SLC51B: variants seen among roughly 807,000 people sequenced by gnomAD.
The protein encoded by SLC51B is SLC51 subunit beta.
Under a neutral mutation model 8.0 loss-of-function variants are expected in SLC51B, and 6 were observed. The observed-to-expected ratio is 0.75, with a 90% CI of 0.41 to 1.48. SLC51B has a LOEUF of 1.48. Ranked by LOEUF, SLC51B falls within the 40% of genes most tolerant of loss-of-function variation. The pLI is 0.01. For missense variants in SLC51B, 150 were observed against 149.7 expected, an observed-to-expected ratio of 1.00 and a Z score of -0.01; for synonymous variants, 61 against 54.8, an observed-to-expected ratio of 1.11 and a Z score of -0.50.
chr15:65,051,421 T>C, intron 2 of SLC51B, 94 bp from the exon 3 acceptor site: 2 of 1,188,364 alleles, frequency 1.7e-6, no homozygotes, highest in Non-Finnish European at 2.5e-6. Flanking sequence ...CAGTTGATGC[T>C]GTAAGCTGGG....
intron 3 of SLC51B, among the ~76,000 whole-genome samples, chr15:65,052,019 C>T (rs1186962757): frequency 6.6e-6 from 1 of 152,150 alleles, no homozygotes; most frequent in Non-Finnish European, 1.5e-5. Flanking sequence ...CCGCTGGGTC[C>T]CTCCACTATG....
At chr15:65,047,349 AC>A (rs1287876219) in intron 1 of SLC51B, among the ~76,000 whole-genome samples, 13 of 152,228 alleles carry the variant, frequency 8.5e-5, no homozygotes, top group African/African-American at 3.1e-4. Context: ...AAAAAAAAAA[AC>A]ATACATACAA....
chr15:65,052,399 CTTTT>C lies in SLC51B; in HGVS notation c.189-547_189-544del, dbSNP rs34021026. Among the ~76,000 whole-genome samples, 382 of 76,366 alleles carry C rather than the reference CTTTT, an allele frequency of 5.0e-3. 1 individual carries two copies. The highest frequency in any genetic ancestry group is 0.018 in the African/African-American group (359 of 19,958). 50.1% of individuals were successfully genotyped at this position (76,366 alleles called of 152,430 possible). On this transcript the variant is annotated intron_variant, in intron 3 of 3. Coordinates refer to ENST00000334287, the MANE Select transcript of SLC51B (RefSeq NM_178859.4). The stretch of plus-strand genomic sequence containing the variant: ...ACACACTAGCTATGTGCATCCTTGG[CTTTT>C]TTTTTTTTTTTTTTTTTTTGAGACA...
rs1468473041 is a variant in SLC51B, at chr15:65,050,131, G to A, written c.97+30G>A. On this transcript the variant is annotated intron_variant, in intron 2 of 3. Coordinates refer to ENST00000334287, the MANE Select transcript of SLC51B (RefSeq NM_178859.4). ...GTGGTGAGAGATTGACGGCAGGGGT[G>A]GGGGTGTGCCCCTCAACACAGAGCA... is the stretch of plus-strand genomic sequence containing the variant. 9 of 1,528,294 alleles carry A rather than the reference G, an allele frequency of 5.9e-6. No individual in the cohort carries two copies. In the East Asian group the frequency reaches 1.7e-4, roughly 29 times the overall value. The allele number at this position is 1,528,294 out of a possible 1,614,324, so 94.7% of individuals were successfully genotyped here.
At chr15:65,050,833 C>CTTTTTTTTTTTTTTTTT (rs67418433) in intron 2 of SLC51B, among the ~76,000 whole-genome samples, 35 of 88,598 alleles carry the variant, frequency 4.0e-4, no homozygotes, top group Middle Eastern at 9.1e-3. Flanking sequence ...TCTTCTTCTT[C>CTTTTTTTTTTTTTTTTT]TTCTTTTTTT....
Position 65,052,962 on chromosome 15 carries a change from C to G in SLC51B, c.189-4C>G. ...CTCATTAACACTGTTCCCTGTCCCCCCAGAAAAGAAAAGATGCAGCCACCA... is the reference window on the plus strand; with the variant it reads ...CTCATTAACACTGTTCCCTGTCCCCGCAGAAAAGAAAAGATGCAGCCACCA... On this transcript the variant is annotated splice_polypyrimidine_tract_variant and splice_region_variant and intron_variant, in intron 3 of 3. Transcript: ENST00000334287. 1.9e-6 allele frequency: 3 copies of G among 1,584,476 alleles called. No individual in the cohort carries two copies. Among genetic ancestry groups the G allele is most frequent in the Non-Finnish European group, 2.6e-6 (3 of 1,162,612 alleles).
At chr15:65,046,889 G>T (rs2086583755) in intron 1 of SLC51B, among the ~76,000 whole-genome samples, 2 of 151,858 alleles carry the variant, frequency 1.3e-5, no homozygotes, top group Admixed American at 6.6e-5. Context: ...CTCCAGCCTG[G>T]GTGACAGAGC....
chr15:65,051,897 C>G (rs2086658347), intron 3 of SLC51B, among the ~76,000 whole-genome samples: 1 of 152,200 alleles, frequency 6.6e-6, no homozygotes, highest in Non-Finnish European at 1.5e-5. Flanking sequence ...CTCACCCTAT[C>G]AGCACACATG....
At chr15:65,052,911 A>T in intron 3 of SLC51B, 55 bp from the exon 4 acceptor site, 1 of 1,564,528 alleles carries the variant, frequency 6.4e-7, no homozygotes, top group East Asian at 2.2e-5. Flanking sequence ...TGGGCGACCC[A>T]GTCCTGCCCC....
intron 3 of SLC51B, 36 bp from the exon 4 acceptor site, chr15:65,052,930 A>G: frequency 5.1e-6 from 6 of 1,169,326 alleles, no homozygotes; most frequent in Non-Finnish European, 6.3e-6. Context: ...CCAACCACTC[A>G]GCCCCCCTCA....
intron 3 of SLC51B, 94 bp from the exon 4 acceptor site, chr15:65,052,867 TAGAGA>T: frequency 9.2e-7 from 1 of 1,082,698 alleles, no homozygotes; most frequent in Non-Finnish European, 1.4e-6. Context: ...CCAAACTGCA[TAGAGA>T]ATTTTCCCCT....
chr15:65,053,160 G>A lies in SLC51B; in HGVS notation c.383G>A (p.Ser128Asn). The A allele has an allele frequency of 1.2e-6, 2 of 1,613,828 alleles. No individual in the cohort carries two copies. Among genetic ancestry groups the A allele is most frequent in the Non-Finnish European group, 1.7e-6 (2 of 1,180,024 alleles). ...VFLPDVPETE[S>N] ...CTTCCGGATGTACCAGAAACTGAGA[G>A]CTAGTGAGGGTTCAGAGAAGCCCCA... Residue 128 changes from serine to asparagine, a missense_variant, in exon 4 of 4, where the codon AGC (serine) becomes AAC (asparagine). By Grantham distance (46) the Ser-to-Asn change is conservative (BLOSUM62 1). Transcript: ENST00000334287.
intron 1 of SLC51B, among the ~76,000 whole-genome samples, chr15:65,048,207 A>T (rs1039199462): frequency 6.8e-6 from 1 of 146,158 alleles, no homozygotes; most frequent in African/African-American, 2.5e-5. Context: ...AAAAAAAAAA[A>T]GTCTAAGAAA....
At position 65,046,099 on chromosome 15, in the gene SLC51B, G is replaced by A. The variant is rs576720320; in HGVS notation, c.-109+517G>A. On this transcript the variant is annotated intron_variant, in intron 1 of 3. Coordinates refer to ENST00000334287, the MANE Select transcript of SLC51B (RefSeq NM_178859.4). ...TGGATCACCTCAGGTCAGGAGTTCC[G>A]AGACCAGCCTGGCCAATGTGGTGAA... 4.6e-3 allele frequency among the ~76,000 whole-genome samples: 693 copies of A among 150,430 alleles called. 6 individuals are homozygous for A. Among genetic ancestry groups the A allele is most frequent in the African/African-American group, 0.016 (664 of 40,870 alleles).
Position 65,053,270 on chromosome 15 carries a change from T to C in SLC51B, c.*106T>C. On this transcript the variant is annotated 3_prime_UTR_variant, in exon 4 of 4. Coordinates refer to ENST00000334287, the MANE Select transcript of SLC51B (RefSeq NM_178859.4). ...GAGTCTCTCCCAAGAAGCCGCTTTT[T>C]TCTTTTTCTTTCTTTCTTTTTTTTT... 1 of 1,449,470 alleles carries C rather than the reference T, an allele frequency of 6.9e-7. No homozygotes were observed. Among genetic ancestry groups the C allele is most frequent in the Non-Finnish European group, 9.0e-7 (1 of 1,105,042 alleles). The allele number at this position is 1,449,470 out of a possible 1,614,324, so 89.8% of individuals were successfully genotyped here.
At chr15:65,051,630 G>T in intron 3 of SLC51B, 25 bp downstream of exon 3, 1 of 1,609,440 alleles carries the variant, frequency 6.2e-7, no homozygotes, top group Non-Finnish European at 8.5e-7. Context: ...CTGGGGGGAT[G>T]GGGTGGTCTC....
chr15:65,047,906 C>T (rs765978301), intron 1 of SLC51B, among the ~76,000 whole-genome samples: 7 of 152,068 alleles, frequency 4.6e-5, no homozygotes, highest in South Asian at 2.1e-4. Flanking sequence ...GGGCCAGGCA[C>T]GGTGGCTCAG....
chr15:65,047,820 GATA>G (rs1167908334), intron 1 of SLC51B, among the ~76,000 whole-genome samples: 1 of 152,076 alleles, frequency 6.6e-6, no homozygotes, highest in African/African-American at 2.4e-5. Flanking sequence ...TAGATAGATA[GATA>G]GATAGATAGA....
rs201580924 is a variant in SLC51B, at chr15:65,053,002, A to G, written c.225A>G (p.Pro75=). 7.4e-6 allele frequency: 12 copies of G among 1,612,074 alleles called. No individual in the cohort carries two copies. In the South Asian group the frequency reaches 1.1e-4, roughly 15 times the overall value. The change falls in exon 4 of 4, where the codon CCA becomes CCG. Residue 75 remains proline (P), a synonymous_variant. Transcript: ENST00000334287. The part of the protein sequence containing the change: ...EKMQPPEKET[P]EVLHLDEAKD... ...TGCAGCCACCAGAAAAAGAAACTCC[A>G]GAAGTCCTGCATTTGGATGAGGCCA...
Sources: gnomAD v4.1 joint callset for allele counts (sites outside exome capture counted in the v4.1 genomes callset) on GRCh38, gnomAD v4.1.1 for gene constraint, MANE v1.5 for transcripts, NCBI Gene and HGNC (gene_info 2026-07-23, HGNC 2026-07-21) for gene names.